The following MPDZ variants were observed in gnomAD, a reference collection of about 807,000 sequenced individuals.
MPDZ encodes the protein multiple PDZ domain protein.
In MPDZ, 234 loss-of-function variants were observed where a neutral mutation model predicts 239.1. The ratio of observed to expected loss-of-function variants is 0.98; its 90% CI spans 0.88 to 1.09. The LOEUF is 1.09. MPDZ is among the 50% of genes least tolerant of loss of function. MPDZ has a pLI of 0.00. For synonymous variants in MPDZ, 1,048 were observed against 881.3 expected (o/e 1.19, Z -3.35); for missense variants, 3,175 against 2,510.0 (o/e 1.26, Z -5.66).
Position 13,162,703 on chromosome 9 carries a change from G to A in MPDZ, c.3347C>T (p.Ser1116Leu). The A allele has an allele frequency of 2.5e-6, 4 of 1,606,180 alleles. No individual in the cohort carries two copies. The highest frequency in any genetic ancestry group is 3.4e-6 in the Non-Finnish European group (4 of 1,174,500). Residue 1116 changes from serine to leucine, a missense_variant, in exon 23 of 47, where the codon TCA (serine) becomes TTA (leucine). Physicochemically the swap from Ser to Leu is moderately radical, Grantham distance 145. Coordinates refer to ENST00000319217, the MANE Select transcript of MPDZ (RefSeq NM_001378778.1). ...GRVMALDIFSSYTGRDIPELP... is the reference protein window; with the variant it reads ...GRVMALDIFSLYTGRDIPELP... ...ATGTTTCACTTACCTGCCAGTGTAT[G>A]AAGAAAAAATATCCAGTGCCATTAC...
chr9:13,244,357 G>A (rs1966095948), intron 3 of MPDZ, among the ~76,000 whole-genome samples: 2 of 152,154 alleles, frequency 1.3e-5, no homozygotes, highest in Admixed American at 1.3e-4. Context: ...GATTAGCAGT[G>A]ATGACTAGGT....
intron 1 of MPDZ, among the ~76,000 whole-genome samples, chr9:13,275,455 T>G (rs1463183158): frequency 6.6e-6 from 1 of 152,130 alleles, no homozygotes; most frequent in Non-Finnish European, 1.5e-5. Flanking sequence ...CCTCCAGAAC[T>G]GTGAGGAAAT....
intron 38 of MPDZ, among the ~76,000 whole-genome samples, chr9:13,120,904 T>A (rs1257932408): frequency 5.3e-5 from 8 of 152,204 alleles, no homozygotes; most frequent in East Asian, 1.9e-4. Context: ...GCAGGGGCAC[T>A]TTTTACTGAA....
At chr9:13,223,837 G>C (rs1338642869) in intron 4 of MPDZ, 127 bp from the exon 5 acceptor site, 2 of 940,836 alleles carry the variant, frequency 2.1e-6, no homozygotes, top group Non-Finnish European at 3.0e-6. Flanking sequence ...TTAGGGACCA[G>C]ACTGGGCTAC....
chr9:13,138,798 T>C (rs1947230914), intron 28 of MPDZ, among the ~76,000 whole-genome samples: 1 of 152,166 alleles, frequency 6.6e-6, no homozygotes, highest in Non-Finnish European at 1.5e-5. Context: ...ACGCAGGTGC[T>C]CCAGTGCACA....
intron 1 of MPDZ, among the ~76,000 whole-genome samples, chr9:13,278,746 G>A (rs1382012295): frequency 6.6e-6 from 1 of 152,078 alleles, no homozygotes; most frequent in Admixed American, 6.5e-5. Context: ...GTGAGGGACG[G>A]GGCACCGGTA....
Position 13,124,658 on chromosome 9 carries a change from T to C in MPDZ, c.4807+558A>G, listed in dbSNP as rs143168410. Among the ~76,000 whole-genome samples the C allele has an allele frequency of 1.2e-3, 187 of 152,258 alleles. 4 individuals are homozygous for C. The East Asian group carries it at 0.034, about 28-fold the overall frequency. ...TCACGTAACCTAAATCCATTTCCATTATGACAGGACCCACTATTACACCTA... is the reference window on the plus strand; with the variant it reads ...TCACGTAACCTAAATCCATTTCCATCATGACAGGACCCACTATTACACCTA... On this transcript the variant is annotated intron_variant, in intron 35 of 46. Transcript: ENST00000319217.
intron 25 of MPDZ, among the ~76,000 whole-genome samples, chr9:13,149,192 C>CA (rs892921774): frequency 3.0e-4 from 43 of 145,750 alleles, no homozygotes; most frequent in East Asian, 6.0e-4. Flanking sequence ...AAACGGTCAT[C>CA]AAAAAAAAAA....
intron 3 of MPDZ, among the ~76,000 whole-genome samples, chr9:13,237,902 C>G (rs1044157648): frequency 2.6e-5 from 4 of 151,746 alleles, no homozygotes; most frequent in African/African-American, 9.7e-5. Context: ...TCCAAATGAC[C>G]AATGAAATAT....
chr9:13,259,837 T>A (rs961662514), intron 1 of MPDZ, among the ~76,000 whole-genome samples: 1 of 152,032 alleles, frequency 6.6e-6, no homozygotes, highest in Non-Finnish European at 1.5e-5. Context: ...TTTAGATTTG[T>A]TTTTTGTTTT....
chr9:13,199,573 T>G (rs779741866), intron 12 of MPDZ, among the ~76,000 whole-genome samples: 4 of 152,076 alleles, frequency 2.6e-5, no homozygotes, highest in Non-Finnish European at 5.9e-5. Context: ...CATCGTTGTC[T>G]TGTTCCAGAT....
In MPDZ at chr9:13,119,614, T is replaced by C. The variant is rs2131522918; in HGVS notation, c.5267A>G (p.Lys1756Arg). 1 of 1,613,998 alleles carries C rather than the reference T, an allele frequency of 6.2e-7. No homozygotes were observed. The highest frequency in any genetic ancestry group is 8.5e-7 in the Non-Finnish European group (1 of 1,179,866). Reference sequence around the variant, plus strand: ...TCCATCGGCATCTGCAATTCCTCCTTTGACAATGTCTGACACAAATACTCC... The same window carrying C: ...TCCATCGGCATCTGCAATTCCTCCTCTGACAATGTCTGACACAAATACTCC... ...DTGVFVSDIV[K>R]GGIADADGRL... Residue 1756 changes from lysine to arginine, a missense_variant, in exon 39 of 47, where the codon AAA becomes AGA. Transcript: ENST00000319217.
intron 10 of MPDZ, among the ~76,000 whole-genome samples, chr9:13,211,321 A>C (rs952506091): frequency 1.3e-5 from 2 of 152,110 alleles, no homozygotes; most frequent in Non-Finnish European, 2.9e-5. Context: ...TTTTTAAGTT[A>C]AGATTATACC....
chr9:13,256,593 G>A (rs1336248785), intron 1 of MPDZ, among the ~76,000 whole-genome samples: 1 of 152,182 alleles, frequency 6.6e-6, no homozygotes, highest in Non-Finnish European at 1.5e-5. Flanking sequence ...AGAGGCCTCA[G>A]AAGAGGGAAA....
At chr9:13,202,261 G>A (rs1251504319) in intron 12 of MPDZ, among the ~76,000 whole-genome samples, 1 of 152,138 alleles carries the variant, frequency 6.6e-6, no homozygotes, top group Non-Finnish European at 1.5e-5. Context: ...GGCTTACAGT[G>A]AGCACTGAAA....
intron 44 of MPDZ, 122 bp from the exon 45 acceptor site, chr9:13,110,186 G>T (rs980250689): frequency 1.1e-5 from 8 of 710,100 alleles, no homozygotes; most frequent in Non-Finnish European, 1.9e-5. Context: ...AAACATTTCT[G>T]TTAACATAAA....
At position 13,138,075 on chromosome 9, in the gene MPDZ, C is replaced by A. The variant is rs1225982249; in HGVS notation, c.4082G>T (p.Gly1361Val). The A allele has an allele frequency of 1.2e-6, 2 of 1,613,726 alleles. No homozygotes were observed. Among genetic ancestry groups the A allele is most frequent in the East Asian group, 2.2e-5 (1 of 44,842 alleles). ...GTCTTTGTTCCCAGCAAGACTTAGG[C>A]CCAAACCACTATGACCTTTCTCCAG... is the stretch of plus-strand genomic sequence containing the variant. Reference protein sequence around the residue: ...IELEKGHSGLGLSLAGNKDRS... With the variant: ...IELEKGHSGLVLSLAGNKDRS... Residue 1361 changes from glycine (G) to valine (V), a missense_variant, in exon 29 of 47, where the codon GGC becomes GTC. Gly to Val is a moderately radical substitution (Grantham distance 109). Transcript: ENST00000319217.
At chr9:13,142,096 A>G (rs932573259) in intron 27 of MPDZ, among the ~76,000 whole-genome samples, 3 of 152,188 alleles carry the variant, frequency 2.0e-5, no homozygotes, top group African/African-American at 7.2e-5. Flanking sequence ...AAATTTTATC[A>G]AGCATTGATT....
chr9:13,247,499 T>A, intron 3 of MPDZ, 136 bp downstream of exon 3: 1 of 859,928 alleles, frequency 1.2e-6, no homozygotes. Flanking sequence ...TGAATCTGAA[T>A]GTCTCATTTG....
Sources: allele counts gnomAD v4.1 joint callset (sites outside exome capture counted in the v4.1 genomes callset), GRCh38; gene constraint gnomAD v4.1.1; transcripts MANE v1.5; gene names NCBI Gene and HGNC (gene_info 2026-07-23, HGNC 2026-07-21).